KRT80: variants seen among roughly 807,000 people sequenced by gnomAD.
KRT80 encodes the protein keratin, type II cytoskeletal 80.
In KRT80, 36 loss-of-function variants were observed where a neutral mutation model predicts 51.5. That is an observed-to-expected ratio of 0.70 (90% confidence interval 0.54 to 0.92). The LOEUF (loss-of-function observed/expected upper bound fraction) is 0.92, where lower values mean the gene tolerates loss of function less well. Among genes scored for constraint, KRT80 ranks in the 40% least tolerant of loss-of-function variants. The pLI, the probability that KRT80 is intolerant of heterozygous loss-of-function variation, is 0.00. For missense variants in KRT80, 566 were observed against 591.7 expected, an observed-to-expected ratio of 0.96 and a Z score of 0.45; for synonymous variants, 235 against 248.3, an observed-to-expected ratio of 0.95 and a Z score of 0.50.
In KRT80 at chr12:52,169,252, C is replaced by T. The variant is rs958599639; in HGVS notation, c.*2146G>A. 11 of 152,192 alleles carry T rather than the reference C, an allele frequency of 7.2e-5. No individual in the cohort carries two copies. Among genetic ancestry groups the T allele is most frequent in the African/African-American group, 2.4e-4 (10 of 41,428 alleles). 9.4% of individuals were successfully genotyped at this position (152,192 alleles called of 1,614,324 possible). On this transcript the variant is annotated 3_prime_UTR_variant, in exon 9 of 9. Coordinates refer to ENST00000394815, the MANE Select transcript of KRT80 (RefSeq NM_182507.3). ...TGGTGCTGAGCCATTCATGAAGGAT[C>T]CTCTCTCATGATCCAAATACTTCCC...
rs147329436 is a variant in KRT80 at position 52,190,158 on chromosome 12, AG to A, written c.300+1444del. Reference sequence around the variant, plus strand: ...TGTGGTCCTTCCCCTCTGGGTACCCAGGGGTACCCCAGGTGTGGATGATGAA... The same window carrying A: ...TGTGGTCCTTCCCCTCTGGGTACCCAGGGTACCCCAGGTGTGGATGATGAA... On this transcript the variant is annotated intron_variant, in intron 1 of 8. Coordinates refer to ENST00000394815, the MANE Select transcript of KRT80 (RefSeq NM_182507.3). 8.4e-4 allele frequency among the ~76,000 whole-genome samples: 128 copies of A among 152,288 alleles called. 5 individuals carry two copies. The East Asian group carries it at 0.023, about 28-fold the overall frequency.
intron 4 of KRT80, among the ~76,000 whole-genome samples, chr12:52,179,047 C>A (rs1941279135): frequency 6.6e-6 from 1 of 152,226 alleles, no homozygotes. Context: ...GCAGGGCCTG[C>A]ATCATGGCTT....
chr12:52,172,021 G>A (rs893892952), intron 7 of KRT80, among the ~76,000 whole-genome samples, 177 bp downstream of exon 7: 2 of 152,224 alleles, frequency 1.3e-5, no homozygotes, highest in Admixed American at 6.5e-5. Flanking sequence ...TCCAGATGGG[G>A]AAACAGGATG....
chr12:52,189,198 C>G (rs1348508574), intron 1 of KRT80, among the ~76,000 whole-genome samples: 1 of 152,028 alleles, frequency 6.6e-6, no homozygotes, highest in Non-Finnish European at 1.5e-5. Flanking sequence ...GCGTCTCACC[C>G]CTGGGCCTTC....
intron 7 of KRT80, 114 bp from the exon 8 acceptor site, chr12:52,171,827 C>T (rs1393539607): frequency 2.1e-5 from 16 of 746,410 alleles, no homozygotes; most frequent in Non-Finnish European, 3.6e-5. Flanking sequence ...GTGGTCACTC[C>T]CAGCCCTGGG....
At chr12:52,172,163 C>T in intron 7 of KRT80, 35 bp downstream of exon 7, 2 of 1,607,512 alleles carry the variant, frequency 1.2e-6, no homozygotes, top group East Asian at 2.2e-5. Flanking sequence ...GCCCTCCTTC[C>T]CCTGCAGCCC....
At chr12:52,180,491 A>T (rs1941299254) in intron 4 of KRT80, 22 bp downstream of exon 4, 1 of 1,410,476 alleles carries the variant, frequency 7.1e-7, no homozygotes. Context: ...GCTTGGCAAG[A>T]CACTGGCCCC....
intron 3 of KRT80, 120 bp downstream of exon 3, chr12:52,180,783 G>T: frequency 6.3e-7 from 1 of 1,589,628 alleles, no homozygotes; most frequent in East Asian, 2.3e-5. Flanking sequence ...CTGTCTGTTG[G>T]TCCTGGGACT....
intron 2 of KRT80, 63 bp from the exon 3 acceptor site, chr12:52,181,026 C>G: frequency 7.4e-7 from 1 of 1,350,860 alleles, no homozygotes. Context: ...GTGAACTCCC[C>G]TTGGTTGGGG....
At position 52,187,772 on chromosome 12, in the gene KRT80, G is replaced by C. The variant is rs546908993; in HGVS notation, c.301-2185C>G. 9.2e-5 allele frequency among the ~76,000 whole-genome samples: 14 copies of C among 152,222 alleles called. No individual in the cohort carries two copies. In the East Asian group the frequency reaches 1.7e-3, roughly 19 times the overall value. The stretch of plus-strand genomic sequence containing the variant: ...CTTGTGAGTGTGAGAGGGAGCGTTG[G>C]GGGGGCAGGTATCTGCTCACCCCAC... On this transcript the variant is annotated intron_variant, in intron 1 of 8. Coordinates refer to ENST00000394815, the MANE Select transcript of KRT80 (RefSeq NM_182507.3).
rs543579705 is a variant in KRT80 at position 52,172,168 on chromosome 12, C to A, written c.1178+30G>T. The A allele has an allele frequency of 2.9e-5, 47 of 1,609,190 alleles. No homozygotes were observed. In the East Asian group the frequency reaches 1.0e-3, roughly 34 times the overall value. On this transcript the variant is annotated intron_variant, in intron 7 of 8. Transcript: ENST00000394815. ...TGGGCCTCCAGCCCTCCTTCCCCTG[C>A]AGCCCTTCCTCACCAGCCCTGGCTC...
At chr12:52,189,693 T>C (rs931120712) in intron 1 of KRT80, among the ~76,000 whole-genome samples, 1 of 152,202 alleles carries the variant, frequency 6.6e-6, no homozygotes, top group African/African-American at 2.4e-5. Flanking sequence ...CTTGGGGCCC[T>C]GCAACCAGGG....
Position 52,171,688 on chromosome 12 carries a change from C to A in KRT80, c.1204G>T (p.Val402Phe). 6.4e-7 allele frequency: 1 copy of A among 1,572,892 alleles called. No individual in the cohort carries two copies. The highest frequency in any genetic ancestry group is 2.3e-5 in the East Asian group (1 of 43,240). The change falls in exon 8 of 9, where the codon GTC becomes TTC. Residue 402 changes from valine (V) to phenylalanine (F), a missense_variant. Physicochemically the swap from Val to Phe is conservative, Grantham distance 50. Transcript: ENST00000394815. ...GRMDSPSATV[V>F]SAVQSRCKTA... ...TTGCACCTGGACTGCACAGCGCTGA[C>A]CACAGTGGCTGAGGGCGAGTCCATC...
intron 1 of KRT80, among the ~76,000 whole-genome samples, chr12:52,188,511 G>A (rs1486578168): frequency 6.6e-6 from 1 of 152,228 alleles, no homozygotes; most frequent in African/African-American, 2.4e-5. Flanking sequence ...GTTCCTTAGC[G>A]GGGGCTGTTG....
At position 52,181,427 on chromosome 12, in the gene KRT80, C is replaced by T. The variant is rs896605415; in HGVS notation, c.510-464G>A. Reference sequence around the variant, plus strand: ...CCCCAGCCACCACCCCTCTGCTTTGCGAGCCAGTAGGACACCATCCCATTG... The same window carrying T: ...CCCCAGCCACCACCCCTCTGCTTTGTGAGCCAGTAGGACACCATCCCATTG... On this transcript the variant is annotated intron_variant, in intron 2 of 8. Transcript: ENST00000394815. Among the ~76,000 whole-genome samples, 4 of 152,170 alleles carry T rather than the reference C, an allele frequency of 2.6e-5. No homozygotes were observed. In the South Asian group the frequency reaches 6.2e-4, roughly 24 times the overall value.
Position 52,180,921 on chromosome 12 carries a change from G to C in KRT80, c.552C>G (p.Thr184=). 1 of 1,575,096 alleles carries C rather than the reference G, an allele frequency of 6.3e-7. No homozygotes were observed. Among genetic ancestry groups the C allele is most frequent in the East Asian group, 2.2e-5 (1 of 44,634 alleles). Residue 184 remains threonine, a synonymous_variant, in exon 3 of 9, where the codon ACC becomes ACG. Coordinates refer to ENST00000394815, the MANE Select transcript of KRT80 (RefSeq NM_182507.3). ...AGGCTACCTTCTTCAGCTGAACAAAGGTGAACTCCATGTCTGTGCGCTTGG... is the reference window on the plus strand; with the variant it reads ...AGGCTACCTTCTTCAGCTGAACAAACGTGAACTCCATGTCTGTGCGCTTGG... The part of the protein sequence containing the change: ...EISKRTDMEF[T]FVQLKKDLDA...
At chr12:52,184,575 T>C (rs1941372743) in intron 2 of KRT80, among the ~76,000 whole-genome samples, 1 of 152,248 alleles carries the variant, frequency 6.6e-6, no homozygotes, top group Non-Finnish European at 1.5e-5. Context: ...AGATACCTAC[T>C]TTAGATTGGC....
intron 7 of KRT80, among the ~76,000 whole-genome samples, 155 bp from the exon 8 acceptor site, chr12:52,171,868 G>T (rs1276939503): frequency 6.6e-6 from 1 of 152,132 alleles, no homozygotes; most frequent in African/African-American, 2.4e-5. Flanking sequence ...TGGCTAGCCA[G>T]CTTGTCCTTC....
rs1330623186 is a variant in KRT80, at chr12:52,173,088, T to C, written c.907A>G (p.Asn303Asp). The C allele has an allele frequency of 6.2e-7, 1 of 1,613,530 alleles. No homozygotes were observed. Among genetic ancestry groups the C allele is most frequent in the Non-Finnish European group, 8.5e-7 (1 of 1,179,578 alleles). The change falls in exon 6 of 9, where the codon AAT becomes GAT. Residue 303 changes from asparagine to aspartate, a missense_variant. Asn to Asp is a conservative substitution (Grantham distance 23, BLOSUM62 1). Coordinates refer to ENST00000394815, the MANE Select transcript of KRT80 (RefSeq NM_182507.3). ...QSSRSEIADL[N>D]VRIQKLRSQI... The stretch of plus-strand genomic sequence containing the variant: ...GACCGCAGCTTCTGGATGCGCACAT[T>C]GAGATCCGCGATCTCGCTGCGGCTG...
Sources: gnomAD v4.1 joint callset for allele counts (sites outside exome capture counted in the v4.1 genomes callset) on GRCh38, gnomAD v4.1.1 for gene constraint, MANE v1.5 for transcripts, NCBI Gene and HGNC (gene_info 2026-07-23, HGNC 2026-07-21) for gene names.